The following TMA16 variants were observed in gnomAD, a reference collection of about 807,000 sequenced individuals.
The protein encoded by TMA16 is translation machinery associated 16 homolog, also known as translation machinery-associated protein 16.
A neutral mutation model predicts 27.1 loss-of-function variants in TMA16; 26 were observed. The ratio of observed to expected loss-of-function variants is 0.96; its 90% CI spans 0.70 to 1.33. The LOEUF is 1.33. Ranked by LOEUF, TMA16 falls within the 40% of genes most tolerant of loss-of-function variation. The pLI is 0.00. For synonymous variants in TMA16, 71 were observed against 81.9 expected, an observed-to-expected ratio of 0.87 and a Z score of 0.72; for missense variants, 233 against 241.4, an observed-to-expected ratio of 0.97 and a Z score of 0.23.
intron 5 of TMA16, among the ~76,000 whole-genome samples, chr4:163,516,883 A>G (rs1729576288): frequency 6.6e-6 from 1 of 152,218 alleles, no homozygotes; most frequent in Non-Finnish European, 1.5e-5. Context: ...ACTTTTCACG[A>G]AGAAAAAATA....
At chr4:163,519,227 T>G in intron 6 of TMA16, 107 bp from the exon 7 acceptor site, 1 of 1,023,146 alleles carries the variant, frequency 9.8e-7, no homozygotes, top group Non-Finnish European at 1.4e-6. Flanking sequence ...CTTTTGAAGT[T>G]TTGAATATGT....
intron 4 of TMA16, among the ~76,000 whole-genome samples, chr4:163,514,491 A>G (rs1232438917): frequency 6.6e-6 from 1 of 152,186 alleles, no homozygotes; most frequent in Non-Finnish European, 1.5e-5. Context: ...AGAAGTGAGA[A>G]TGAAGATAAC....
At chr4:163,497,446 C>A (rs538421924) in intron 1 of TMA16, among the ~76,000 whole-genome samples, 1 of 152,324 alleles carries the variant, frequency 6.6e-6, no homozygotes, top group South Asian at 2.1e-4. Flanking sequence ...TAAAGCAACA[C>A]ATTCATTTCC....
intron 2 of TMA16, among the ~76,000 whole-genome samples, chr4:163,509,109 A>T (rs1737755815): frequency 6.6e-6 from 1 of 152,204 alleles, no homozygotes; most frequent in African/African-American, 2.4e-5. Flanking sequence ...ATAGTACTTA[A>T]CATTATTTTA....
Position 163,494,784 on chromosome 4 carries a change from G to T in TMA16, c.-18G>T. The T allele has an allele frequency of 6.2e-7, 1 of 1,612,850 alleles. No homozygotes were observed. The highest frequency in any genetic ancestry group is 8.5e-7 in the Non-Finnish European group (1 of 1,180,026). ...GGTCTAGAGTGCGGAGCTGCTCCGT[G>T]GCCACGAGGACGTCACCATGGTGGG... On this transcript the variant is annotated 5_prime_UTR_variant, in exon 1 of 7. Coordinates refer to ENST00000358572, the MANE Select transcript of TMA16 (RefSeq NM_018352.3).
chr4:163,510,793 C>G (rs975776111), intron 2 of TMA16, among the ~76,000 whole-genome samples: 2 of 152,208 alleles, frequency 1.3e-5, no homozygotes, highest in African/African-American at 4.8e-5. Context: ...TAGCTGCATT[C>G]ATGCTGCAGT....
chr4:163,503,366 T>A (rs1412664334), intron 1 of TMA16, among the ~76,000 whole-genome samples: 1 of 152,184 alleles, frequency 6.6e-6, no homozygotes, highest in Non-Finnish European at 1.5e-5. Context: ...CTCAAGTGTG[T>A]TTGCTGAAAT....
Position 163,507,107 on chromosome 4 carries a change from A to C in TMA16, c.78A>C (p.Gln26His). 1.3e-6 allele frequency: 2 copies of C among 1,591,246 alleles called. No homozygotes were observed. The highest frequency in any genetic ancestry group is 1.7e-6 in the Non-Finnish European group (2 of 1,167,520). Residue 26 changes from glutamine to histidine, a missense_variant, in exon 2 of 7, where the codon CAA (glutamine) becomes CAC (histidine). Gln to His is a conservative substitution (Grantham distance 24). Transcript: ENST00000358572. Reference sequence around the variant, plus strand: ...ATCCATATAGTAGAAAAGCAGCTCAAATTACGAGAGAGGCCCACAAACAAG... The same window carrying C: ...ATCCATATAGTAGAAAAGCAGCTCACATTACGAGAGAGGCCCACAAACAAG... ...VIHPYSRKAA[Q>H]ITREAHKQEK...
intron 2 of TMA16, among the ~76,000 whole-genome samples, chr4:163,509,302 A>G (rs1737758853): frequency 6.6e-6 from 1 of 152,212 alleles, no homozygotes; most frequent in Non-Finnish European, 1.5e-5. Flanking sequence ...TGGTTGGGAC[A>G]ACTTTAAGCA....
intron 3 of TMA16, among the ~76,000 whole-genome samples, chr4:163,513,794 G>T (rs903201924): frequency 6.6e-6 from 1 of 152,002 alleles, no homozygotes; most frequent in Non-Finnish European, 1.5e-5. Context: ...GTTCAAGCTC[G>T]ACTAAATAAT....
At chr4:163,499,008 C>G (rs1454318303) in intron 1 of TMA16, among the ~76,000 whole-genome samples, 2 of 152,104 alleles carry the variant, frequency 1.3e-5, no homozygotes, top group Non-Finnish European at 2.9e-5. Context: ...TGGCTTGCAC[C>G]CCCTTGAACT....
intron 1 of TMA16, among the ~76,000 whole-genome samples, chr4:163,495,931 C>T (rs948326260): frequency 6.6e-6 from 1 of 152,104 alleles, no homozygotes; most frequent in African/African-American, 2.4e-5. Context: ...TTTTTTTCCC[C>T]TTTTCAGAGT....
chr4:163,504,368 C>T (rs1448504297), intron 1 of TMA16, among the ~76,000 whole-genome samples: 1 of 152,088 alleles, frequency 6.6e-6, no homozygotes, highest in African/African-American at 2.4e-5. Flanking sequence ...ATGATCTCTC[C>T]CTTTCTTTGG....
chr4:163,508,915 A>G (rs1405789893), intron 2 of TMA16, among the ~76,000 whole-genome samples: 1 of 152,204 alleles, frequency 6.6e-6, no homozygotes, highest in Non-Finnish European at 1.5e-5. Context: ...ATATGTATAT[A>G]TTGTCCTAAG....
intron 1 of TMA16, among the ~76,000 whole-genome samples, chr4:163,496,993 A>G (rs560871036): frequency 2.6e-4 from 39 of 152,310 alleles, no homozygotes; most frequent in African/African-American, 9.1e-4. Context: ...CAATACTACT[A>G]GGCACCCATG....
rs550651111 is a variant in TMA16, at chr4:163,497,942, A to G, written c.3+3138A>G. ...ACTGTTAACAGTTTCTTAGCTATCA[A>G]TTCAGATACTTTATATGTATGTACC... is the stretch of plus-strand genomic sequence containing the variant. On this transcript the variant is annotated intron_variant, in intron 1 of 6. Transcript: ENST00000358572. Among the ~76,000 whole-genome samples the G allele has an allele frequency of 2.0e-5, 3 of 152,290 alleles. No homozygotes were observed. The South Asian group carries it at 6.2e-4, about 32-fold the overall frequency.
At chr4:163,512,801 A>G (rs1330360627) in intron 2 of TMA16, 21 bp from the exon 3 acceptor site, 3 of 1,590,160 alleles carry the variant, frequency 1.9e-6, no homozygotes, top group East Asian at 2.2e-5. Flanking sequence ...TCTAACACAT[A>G]TATTTACCTT....
Position 163,494,767 on chromosome 4 carries a change from G to T in TMA16, c.-35G>T, listed in dbSNP as rs368992524. ...GTTGGTGAGATTACCTGGGTCTAGA[G>T]TGCGGAGCTGCTCCGTGGCCACGAG... On this transcript the variant is annotated 5_prime_UTR_variant, in exon 1 of 7. Coordinates refer to ENST00000358572, the MANE Select transcript of TMA16 (RefSeq NM_018352.3). 9.0e-5 allele frequency: 145 copies of T among 1,613,104 alleles called. No individual in the cohort carries two copies. The African/African-American group carries it at 1.7e-3, about 19-fold the overall frequency.
intron 1 of TMA16, among the ~76,000 whole-genome samples, chr4:163,497,879 T>TAAGAG (rs776645191): frequency 2.7e-4 from 41 of 152,328 alleles, no homozygotes; most frequent in Non-Finnish European, 5.3e-4. Flanking sequence ...TTTTTCCAGC[T>TAAGAG]CTCTTGCCTA....
Sources: allele counts gnomAD v4.1 joint callset (sites outside exome capture counted in the v4.1 genomes callset), GRCh38; gene constraint gnomAD v4.1.1; transcripts MANE v1.5; gene names NCBI Gene and HGNC (gene_info 2026-07-23, HGNC 2026-07-21).